Variants in TMEM44 observed in about 807,000 individuals in gnomAD.
TMEM44 encodes transmembrane protein 44.
A neutral mutation model predicts 47.8 loss-of-function variants in TMEM44; 43 were observed. The observed-to-expected ratio is 0.90, with a 90% CI of 0.70 to 1.16. The LOEUF is 1.16. Among genes scored for constraint, TMEM44 ranks in the 50% most tolerant of loss-of-function variants. The pLI is 0.00. For synonymous variants in TMEM44, 277 were observed against 238.8 expected, an observed-to-expected ratio of 1.16 and a Z score of -1.48; for missense variants, 568 against 555.2, an observed-to-expected ratio of 1.02 and a Z score of -0.23.
rs547083831 is a variant in TMEM44, at chr3:194,617,764, T to C, written c.613-495A>G. The C allele has an allele frequency of 8.5e-6, 6 of 703,544 alleles. No individual in the cohort carries two copies. The South Asian group carries it at 8.9e-5, about 10-fold the overall frequency. 43.6% of individuals were successfully genotyped at this position (703,544 alleles called of 1,614,324 possible). A position where few individuals can be genotyped will look rare whatever the true frequency, so the allele number is the denominator to read the frequency against. ...TCATGTTGAGTCGTAATCCCCAGTG[T>C]CGGAGGTGGGGCCTGGTGGGAGGTG... On this transcript the variant is annotated intron_variant, in intron 5 of 9. Coordinates refer to ENST00000347147, the MANE Select transcript of TMEM44 (RefSeq NM_001011655.3).
intron 9 of TMEM44, chr3:194,597,212 G>C (rs1713523030): frequency 6.6e-6 from 1 of 152,182 alleles, no homozygotes; most frequent in South Asian, 2.1e-4. Context: ...TTCCTATAAA[G>C]CTTATACCCC....
At chr3:194,601,912 C>T (rs1177632033) in intron 9 of TMEM44, among the ~76,000 whole-genome samples, 7 of 152,164 alleles carry the variant, frequency 4.6e-5, no homozygotes, top group Non-Finnish European at 7.4e-5. Context: ...TGAGGGTGGG[C>T]GGCAAGAGTC....
intron 6 of TMEM44, 138 bp downstream of exon 6, chr3:194,616,961 A>G (rs1446992028): frequency 1.0e-6 from 1 of 954,510 alleles, no homozygotes; most frequent in Admixed American, 3.3e-5. Flanking sequence ...GCCTGCCCCA[A>G]GCTTCAAACC....
At position 194,611,973 on chromosome 3, in the gene TMEM44, G is replaced by T. The variant is rs1197488624; in HGVS notation, c.913-953C>A. On this transcript the variant is annotated intron_variant, in intron 7 of 9. Coordinates refer to ENST00000347147, the MANE Select transcript of TMEM44 (RefSeq NM_001011655.3). This position sits in a 1 kb window ranked among gnomAD's most constrained non-coding sequence, Gnocchi z 4.2. The stretch of plus-strand genomic sequence containing the variant: ...GGAGGCGGAGGTTGCAGCAAGCTGA[G>T]ATCGTGCCACTGCAATCCAGCCTGG... Among the ~76,000 whole-genome samples, 1 of 152,068 alleles carries T rather than the reference G, an allele frequency of 6.6e-6. No individual in the cohort carries two copies. Among genetic ancestry groups the T allele is most frequent in the Non-Finnish European group, 1.5e-5 (1 of 68,026 alleles).
chr3:194,599,020 CA>C (rs1256132389), intron 9 of TMEM44, among the ~76,000 whole-genome samples: 5 of 152,172 alleles, frequency 3.3e-5, no homozygotes, highest in Admixed American at 3.3e-4. Context: ...GCAGCCAGGC[CA>C]GGGGCAGTCC....
At chr3:194,609,335 G>A (rs928142694) in intron 8 of TMEM44, among the ~76,000 whole-genome samples, 1 of 152,184 alleles carries the variant, frequency 6.6e-6, no homozygotes, top group Non-Finnish European at 1.5e-5. Context: ...CCAGGAGCAG[G>A]GAGCCTGCCT....
chr3:194,615,849 C>G (rs1303291129), intron 6 of TMEM44, 152 bp from the exon 7 acceptor site: 1 of 1,084,164 alleles, frequency 9.2e-7, no homozygotes, highest in South Asian at 1.5e-5. Flanking sequence ...AGGAGCTCAT[C>G]TGAAGACAGG....
chr3:194,628,547 T>G, intron 1 of TMEM44, 38 bp from the exon 2 acceptor site: 1 of 1,570,794 alleles, frequency 6.4e-7, no homozygotes, highest in South Asian at 1.2e-5. Flanking sequence ...ACAGCAACTG[T>G]GAGTTTGGAC....
intron 9 of TMEM44, among the ~76,000 whole-genome samples, chr3:194,597,649 CAAAA>C (rs532223669): frequency 2.0e-5 from 2 of 99,946 alleles, no homozygotes; most frequent in Admixed American, 1.2e-4. Flanking sequence ...GACTCTGTCT[CAAAA>C]AAAAAAAAAA....
Position 194,588,371 on chromosome 3 carries a change from T to C in TMEM44, c.*158A>G, listed in dbSNP as rs1052024139. The C allele has an allele frequency of 7.9e-6, 5 of 633,030 alleles. No individual in the cohort carries two copies. Among genetic ancestry groups the C allele is most frequent in the Non-Finnish European group, 1.4e-5 (5 of 362,536 alleles). The allele number at this position is 633,030 out of a possible 1,614,324, so 39.2% of individuals were successfully genotyped here. On this transcript the variant is annotated 3_prime_UTR_variant, in exon 10 of 10. Transcript: ENST00000347147. Reference sequence around the variant, plus strand: ...AAAGTCGTAGCTCCGTGATGAGCTATGATGTAGCCCAGCCACACTCAGTGA... The same window carrying C: ...AAAGTCGTAGCTCCGTGATGAGCTACGATGTAGCCCAGCCACACTCAGTGA...
intron 7 of TMEM44, among the ~76,000 whole-genome samples, chr3:194,613,640 G>A (rs1198235100): frequency 4.7e-5 from 7 of 147,506 alleles, no homozygotes; most frequent in Admixed American, 2.0e-4. Context: ...TTACAGGCGC[G>A]TGCCACCACA....
Position 194,623,709 on chromosome 3 carries a change from C to T in TMEM44, c.359-14G>A. 6 of 1,613,776 alleles carry T rather than the reference C, an allele frequency of 3.7e-6. No homozygotes were observed. Among genetic ancestry groups the T allele is most frequent in the Non-Finnish European group, 5.1e-6 (6 of 1,179,932 alleles). ...GGGCTTCCCGATCTGCAACAGACAC[C>T]AAAATCCCACATGGCTCCTGGAAGC... On this transcript the variant is annotated splice_polypyrimidine_tract_variant and intron_variant, in intron 3 of 9. Transcript: ENST00000347147.
At chr3:194,629,630 G>C (rs1485918557) in intron 1 of TMEM44, among the ~76,000 whole-genome samples, 1 of 151,892 alleles carries the variant, frequency 6.6e-6, no homozygotes, top group Admixed American at 6.6e-5. Flanking sequence ...TAGGGCCTCT[G>C]AAACACGTTG....
intron 2 of TMEM44, among the ~76,000 whole-genome samples, chr3:194,627,707 G>C: frequency 6.6e-6 from 1 of 152,198 alleles, no homozygotes; most frequent in East Asian, 1.9e-4. Flanking sequence ...GTCAGGCGTG[G>C]TGGCTCAGGC....
At chr3:194,592,091 G>A (rs1315613562) in intron 9 of TMEM44, among the ~76,000 whole-genome samples, 1 of 152,010 alleles carries the variant, frequency 6.6e-6, no homozygotes, top group Non-Finnish European at 1.5e-5. Context: ...GGTGGCGGGC[G>A]CCTGTAGTCC....
chr3:194,618,415 T>C (rs559149255), intron 5 of TMEM44, among the ~76,000 whole-genome samples: 1 of 150,388 alleles, frequency 6.6e-6, no homozygotes, highest in African/African-American at 2.4e-5. Context: ...TTTAAATATA[T>C]ATGAATAAAA....
intron 9 of TMEM44, among the ~76,000 whole-genome samples, chr3:194,597,547 C>T (rs1284695243): frequency 6.6e-6 from 1 of 150,884 alleles, no homozygotes; most frequent in Admixed American, 6.6e-5. Context: ...GTAGTCCCAG[C>T]TACTTGGGAG....
chr3:194,606,053 T>A (rs1013077161), intron 8 of TMEM44, among the ~76,000 whole-genome samples: 7 of 152,162 alleles, frequency 4.6e-5, no homozygotes, highest in Non-Finnish European at 1.5e-5. Context: ...AGGCTCTGGA[T>A]GGGAGTGGGG....
intron 9 of TMEM44, among the ~76,000 whole-genome samples, chr3:194,598,868 C>A (rs937956651): frequency 6.6e-6 from 1 of 151,958 alleles, no homozygotes; most frequent in Non-Finnish European, 1.5e-5. Context: ...CTTAAAGACA[C>A]AGAGTGGCTC....
Sources: gnomAD v4.1 joint callset for allele counts (sites outside exome capture counted in the v4.1 genomes callset) on GRCh38, gnomAD v4.1.1 for gene constraint, Gnocchi (gnomAD v3.1) non-coding constraint, MANE v1.5 for transcripts, NCBI Gene and HGNC (gene_info 2026-07-23, HGNC 2026-07-21) for gene names.